The following USP15 variants were observed in gnomAD, a reference collection of about 807,000 sequenced individuals.
USP15 encodes the protein ubiquitin carboxyl-terminal hydrolase 15.
A neutral mutation model predicts 127.1 loss-of-function variants in USP15; 18 were observed. The observed-to-expected ratio is 0.14, with a 90% CI of 0.10 to 0.21. The LOEUF (loss-of-function observed/expected upper bound fraction) is 0.21, where lower values mean the gene tolerates loss of function less well. Among genes scored for constraint, USP15 ranks in the 10% least tolerant of loss-of-function variants. The pLI is 1.00. For synonymous variants in USP15, 364 were observed against 393.7 expected (o/e 0.92, Z 0.89); for missense variants, 805 against 1,159.9 (o/e 0.69, Z 4.44).
intron 3 of USP15, chr12:62,303,142 G>T (rs935314899): frequency 3.2e-5 from 11 of 347,416 alleles, no homozygotes; most frequent in South Asian, 5.1e-5. Context: ...TCTATATATA[G>T]AGAGAAAACT....
intron 4 of USP15, 107 bp downstream of exon 4, chr12:62,315,023 T>G: frequency 2.7e-6 from 3 of 1,098,308 alleles, no homozygotes; most frequent in Non-Finnish European, 3.6e-6. Context: ...GATTTATATA[T>G]AGACATTTGA....
intron 6 of USP15, among the ~76,000 whole-genome samples, chr12:62,334,842 G>A (rs940060302): frequency 3.3e-5 from 5 of 152,198 alleles, no homozygotes; most frequent in African/African-American, 9.7e-5. Context: ...AGTGTTAAAT[G>A]TTTAGTTGAC....
intron 3 of USP15, among the ~76,000 whole-genome samples, chr12:62,311,177 A>G (rs540542504): frequency 6.6e-6 from 1 of 152,068 alleles, no homozygotes; most frequent in Non-Finnish European, 1.5e-5. Context: ...TTGTCTCTTA[A>G]TAAAGTTGAA....
In USP15 at chr12:62,352,845, A is replaced by G. The variant is rs192868686; in HGVS notation, c.771-2486A>G. Among the ~76,000 whole-genome samples, 44 of 151,932 alleles carry G rather than the reference A, an allele frequency of 2.9e-4. No homozygotes were observed. In the East Asian group the frequency reaches 7.7e-3, roughly 27 times the overall value. ...GTTCAATTTCACAAAAAAAAAGTGT[A>G]TTTTTAGTGTATTTTTATTAAAGAA... On this transcript the variant is annotated intron_variant, in intron 7 of 21. Coordinates refer to ENST00000280377, the MANE Select transcript of USP15 (RefSeq NM_001252078.2).
intron 3 of USP15, chr12:62,304,830 T>TA (rs34411608): frequency 0.19 from 33,685 of 174,456 alleles, 3,021 homozygotes; most frequent in African/African-American, 0.26. Flanking sequence ...TTATTATGCT[T>TA]AAAAAAAAAA....
In USP15 at chr12:62,414,998, CATATAT is replaced by C. The variant is rs542869860; in HGVS notation, c.*10636_*10641del. On this transcript the variant is annotated 3_prime_UTR_variant, in exon 22 of 22. Transcript: ENST00000280377. The stretch of plus-strand genomic sequence containing the variant: ...TATATACATATATATCATATATGTA[CATATAT>C]ATATATATATATGAGGGAGAGAAAG... 2 of 146,010 alleles carry C rather than the reference CATATAT, an allele frequency of 1.4e-5. No individual in the cohort carries two copies. The highest frequency in any genetic ancestry group is 5.0e-5 in the African/African-American group (2 of 39,878). 9.0% of individuals were successfully genotyped at this position (146,010 alleles called of 1,614,324 possible). A position where few individuals can be genotyped will look rare whatever the true frequency, so the allele number is the denominator to read the frequency against.
chr12:62,280,679 GAC>G (rs371448414), intron 1 of USP15, among the ~76,000 whole-genome samples: 40 of 152,188 alleles, frequency 2.6e-4, no homozygotes, highest in African/African-American at 9.2e-4. Flanking sequence ...TGGGGGAGGA[GAC>G]ACACGCATTC....
intron 16 of USP15, 41 bp from the exon 17 acceptor site, chr12:62,391,775 A>G (rs766111280): frequency 3.7e-5 from 54 of 1,457,626 alleles, no homozygotes; most frequent in Admixed American, 3.2e-4. Context: ...TAATACTAAG[A>G]CATATTAAAT....
intron 19 of USP15, among the ~76,000 whole-genome samples, chr12:62,394,329 TAGTA>T (rs1292419569): frequency 2.0e-5 from 3 of 152,316 alleles, no homozygotes; most frequent in Non-Finnish European, 1.5e-5. Context: ...TTGATACAGT[TAGTA>T]AGTAGACAAT....
At chr12:62,380,894 C>T (rs531461849) in intron 8 of USP15, among the ~76,000 whole-genome samples, 3 of 151,698 alleles carry the variant, frequency 2.0e-5, no homozygotes, top group South Asian at 2.1e-4. Flanking sequence ...AAAATTGTAT[C>T]GTTTATGAAA....
At chr12:62,294,881 A>T (rs991208807) in intron 2 of USP15, among the ~76,000 whole-genome samples, 1 of 152,162 alleles carries the variant, frequency 6.6e-6, no homozygotes, top group Non-Finnish European at 1.5e-5. Flanking sequence ...GGTTCTCAAA[A>T]CACTGTGTAT....
At chr12:62,280,566 C>T (rs748335692) in intron 1 of USP15, among the ~76,000 whole-genome samples, 1 of 152,108 alleles carries the variant, frequency 6.6e-6, no homozygotes, top group Non-Finnish European at 1.5e-5. Context: ...CTCTGGGAGC[C>T]TCTTTTATAA....
At chr12:62,314,736 G>C in intron 3 of USP15, 54 bp from the exon 4 acceptor site, 1 of 1,392,046 alleles carries the variant, frequency 7.2e-7, no homozygotes, top group Non-Finnish European at 9.4e-7. Flanking sequence ...ATTGTTATTA[G>C]AGTGAAATAT....
chr12:62,380,443 C>CT (rs2066957947), intron 8 of USP15, among the ~76,000 whole-genome samples: 1 of 151,970 alleles, frequency 6.6e-6, no homozygotes, highest in Non-Finnish European at 1.5e-5. Context: ...CAGGCTGAAC[C>CT]TTTCATAGCT....
Position 62,401,265 on chromosome 12 carries a change from A to G in USP15, c.2753A>G (p.Asp918Gly). 6.2e-7 allele frequency: 1 copy of G among 1,611,274 alleles called. No homozygotes were observed. The highest frequency in any genetic ancestry group is 8.5e-7 in the Non-Finnish European group (1 of 1,178,160). Residue 918 changes from aspartate to glycine, a missense_variant, in exon 21 of 22, where the codon GAC becomes GGC. Transcript: ENST00000280377. ...DDSSVSTASE[D>G]QIVSKAAYVL... Reference sequence around the variant, plus strand: ...AGTAGTGTCTCCACTGCATCTGAAGACCAAATTGTGGTAAGTTTGTCTTAT... The same window carrying G: ...AGTAGTGTCTCCACTGCATCTGAAGGCCAAATTGTGGTAAGTTTGTCTTAT...
At chr12:62,264,341 A>T (rs958602806) in intron 1 of USP15, among the ~76,000 whole-genome samples, 8 of 152,224 alleles carry the variant, frequency 5.3e-5, no homozygotes, top group Non-Finnish European at 8.8e-5. Flanking sequence ...ACATAACCAC[A>T]AATCATCCAA....
chr12:62,269,284 T>C (rs1280644435), intron 1 of USP15, among the ~76,000 whole-genome samples: 1 of 152,124 alleles, frequency 6.6e-6, no homozygotes, highest in Admixed American at 6.6e-5. Context: ...AACATGTTAC[T>C]GTAGTGCATA....
intron 8 of USP15, among the ~76,000 whole-genome samples, chr12:62,371,339 G>A (rs2066659262): frequency 6.6e-6 from 1 of 152,086 alleles, no homozygotes; most frequent in Non-Finnish European, 1.5e-5. Flanking sequence ...TACGTATTAT[G>A]TGGTGAGAAT....
chr12:62,310,106 C>G (rs1363771399), intron 3 of USP15, among the ~76,000 whole-genome samples: 1 of 151,918 alleles, frequency 6.6e-6, no homozygotes, highest in African/African-American at 2.4e-5. Context: ...GTAAATTTAA[C>G]AGGTTGCCTG....
Sources: allele counts gnomAD v4.1 joint callset (sites outside exome capture counted in the v4.1 genomes callset), GRCh38; gene constraint gnomAD v4.1.1; transcripts MANE v1.5; gene names NCBI Gene and HGNC (gene_info 2026-07-23, HGNC 2026-07-21).